The following ARL15 variants were observed in gnomAD, a reference collection of about 807,000 sequenced individuals.
ARL15 encodes the protein ARF like GTPase 15.
A neutral mutation model predicts 25.2 loss-of-function variants in ARL15; 19 were observed. That is an observed-to-expected ratio of 0.75 (90% CI 0.53 to 1.10). ARL15 has a LOEUF of 1.10. Among genes scored for constraint, ARL15 ranks in the 50% least tolerant of loss-of-function variants. ARL15 has a pLI of 0.00. For missense variants in ARL15, 220 were observed against 246.0 expected (o/e 0.89, Z 0.71); for synonymous variants, 94 against 86.8 (o/e 1.08, Z -0.46).
At chr5:54,199,369 A>C (rs1214257048) in intron 1 of ARL15, among the ~76,000 whole-genome samples, 5 of 151,482 alleles carry the variant, frequency 3.3e-5, no homozygotes, top group South Asian at 2.1e-4. Flanking sequence ...CAACCCACAA[A>C]ATGGGAGAAA....
chr5:54,040,866 C>T (rs1750321743), intron 4 of ARL15, among the ~76,000 whole-genome samples: 1 of 152,122 alleles, frequency 6.6e-6, no homozygotes, highest in African/African-American at 2.4e-5. Context: ...GTTCAGCTCC[C>T]ATAATGAAGA....
chr5:54,014,773 G>C (rs138504592), intron 4 of ARL15, among the ~76,000 whole-genome samples: 1 of 151,610 alleles, frequency 6.6e-6, no homozygotes, highest in Non-Finnish European at 1.5e-5. Flanking sequence ...TGATCCACCC[G>C]CCTCGGCCTC....
At chr5:54,127,569 A>G (rs1753299950) in intron 3 of ARL15, among the ~76,000 whole-genome samples, 1 of 151,782 alleles carries the variant, frequency 6.6e-6, no homozygotes, top group African/African-American at 2.4e-5. Context: ...GGAAGAATCA[A>G]TATCATGAAA....
intron 4 of ARL15, among the ~76,000 whole-genome samples, chr5:54,034,418 A>G (rs1292147839): frequency 6.6e-6 from 1 of 152,200 alleles, no homozygotes; most frequent in African/African-American, 2.4e-5. Flanking sequence ...AATTGACAAT[A>G]GAGCCAGAAA....
At chr5:54,010,334 G>GACTT (rs1319955015) in intron 4 of ARL15, among the ~76,000 whole-genome samples, 3 of 152,106 alleles carry the variant, frequency 2.0e-5, no homozygotes, top group African/African-American at 7.2e-5. Context: ...ACAAATTTAA[G>GACTT]ACTTCCAAAA....
intron 1 of ARL15, among the ~76,000 whole-genome samples, chr5:54,297,907 C>A (rs1276920465): frequency 6.6e-6 from 1 of 152,172 alleles, no homozygotes; most frequent in East Asian, 1.9e-4. Context: ...CTCAGCCTCC[C>A]CAGCAGCTGG....
chr5:54,089,713 G>A (rs996597015), intron 4 of ARL15, among the ~76,000 whole-genome samples: 1 of 152,062 alleles, frequency 6.6e-6, no homozygotes, highest in Non-Finnish European at 1.5e-5. Context: ...AATGTAGGTA[G>A]ACAAGAAAAA....
At chr5:54,137,123 C>T (rs1331918647) in intron 3 of ARL15, among the ~76,000 whole-genome samples, 2 of 151,720 alleles carry the variant, frequency 1.3e-5, no homozygotes, top group Non-Finnish European at 2.9e-5. Flanking sequence ...ACAGCAGCCA[C>T]TCATTGCACA....
intron 4 of ARL15, among the ~76,000 whole-genome samples, chr5:53,959,003 T>C (rs555279614): frequency 6.6e-6 from 1 of 152,224 alleles, no homozygotes; most frequent in South Asian, 2.1e-4. Context: ...AAAGAATATC[T>C]AGATGAAAAA....
chr5:53,937,213 T>C (rs558924177), intron 4 of ARL15, among the ~76,000 whole-genome samples: 2 of 152,122 alleles, frequency 1.3e-5, no homozygotes, highest in East Asian at 1.9e-4. Flanking sequence ...ACCACAGATA[T>C]CCTAAATGAC....
chr5:54,078,018 C>T (rs1751667899), intron 4 of ARL15, among the ~76,000 whole-genome samples: 1 of 152,140 alleles, frequency 6.6e-6, no homozygotes, highest in African/African-American at 2.4e-5. Context: ...TAAGTAAATT[C>T]TAAAGTAATT....
intron 2 of ARL15, among the ~76,000 whole-genome samples, chr5:54,159,643 T>C (rs1162584889): frequency 1.3e-5 from 2 of 152,210 alleles, no homozygotes; most frequent in East Asian, 3.8e-4. Flanking sequence ...ATTCAAACAA[T>C]TTGATGGCTG....
chr5:53,980,274 G>A (rs1748077499), intron 4 of ARL15, among the ~76,000 whole-genome samples: 1 of 152,186 alleles, frequency 6.6e-6, no homozygotes. Flanking sequence ...TAGCATCAAA[G>A]CAGTGCCAGC....
chr5:54,297,791 C>CT (rs1032076695), intron 1 of ARL15, among the ~76,000 whole-genome samples: 8 of 151,366 alleles, frequency 5.3e-5, no homozygotes, highest in East Asian at 1.9e-4. Context: ...CTTCTACTTT[C>CT]TTTTTTTTTG....
Position 54,058,005 on chromosome 5 carries a change from TTTA to T in ARL15, c.462+55194_462+55196del, listed in dbSNP as rs766633321. ...ACTGGTGCCTTTATTTATTTATTTA[TTTA>T]TTTATTTATTTTTTTTGACAAAGTC... On this transcript the variant is annotated intron_variant, in intron 4 of 4. Coordinates refer to ENST00000504924, the MANE Select transcript of ARL15 (RefSeq NM_019087.3). Among the ~76,000 whole-genome samples the T allele has an allele frequency of 8.4e-3, 1,180 of 141,118 alleles. 15 individuals are homozygous for T. Among genetic ancestry groups the T allele is most frequent in the Middle Eastern group, 0.014 (4 of 288 alleles). The allele number at this position is 141,118 out of a possible 152,430, so 92.6% of individuals were successfully genotyped here. A position where few individuals can be genotyped will look rare whatever the true frequency, so the allele number is the denominator to read the frequency against.
At chr5:54,074,379 GAC>G (rs1243935240) in intron 4 of ARL15, among the ~76,000 whole-genome samples, 1 of 152,140 alleles carries the variant, frequency 6.6e-6, no homozygotes, top group Non-Finnish European at 1.5e-5. Context: ...TTCTTAAAGT[GAC>G]AGACTGGGAC....
intron 1 of ARL15, among the ~76,000 whole-genome samples, chr5:54,264,085 C>T (rs1311475673): frequency 6.6e-6 from 1 of 152,098 alleles, no homozygotes; most frequent in Non-Finnish European, 1.5e-5. Context: ...CATTAGGGAC[C>T]TAATCATCTT....
chr5:53,935,450 T>G (rs550077867), intron 4 of ARL15, among the ~76,000 whole-genome samples: 1 of 152,250 alleles, frequency 6.6e-6, no homozygotes, highest in Non-Finnish European at 1.5e-5. Context: ...TAGAGGTGTC[T>G]AGCACACATC....
At chr5:54,055,541 A>C (rs912609569) in intron 4 of ARL15, among the ~76,000 whole-genome samples, 3 of 151,736 alleles carry the variant, frequency 2.0e-5, no homozygotes, top group African/African-American at 7.3e-5. Flanking sequence ...TTGTATTTTT[A>C]GTAGAGACGA....
Sources: allele counts gnomAD v4.1 joint callset (sites outside exome capture counted in the v4.1 genomes callset), GRCh38; gene constraint gnomAD v4.1.1; transcripts MANE v1.5; gene names NCBI Gene and HGNC (gene_info 2026-07-23, HGNC 2026-07-21).